SOX6: variants seen among roughly 807,000 people sequenced by gnomAD.
The protein encoded by SOX6 is transcription factor SOX-6.
A neutral mutation model predicts 97.8 loss-of-function variants in SOX6; 11 were observed. The observed-to-expected ratio is 0.11, with a 90% CI of 0.07 to 0.19. SOX6 has a LOEUF of 0.19. SOX6 is among the 10% of genes least tolerant of loss of function. The pLI, the probability that SOX6 is intolerant of heterozygous loss-of-function variation, is 1.00. For missense variants in SOX6, 810 were observed against 1,039.5 expected (o/e 0.78, Z 3.04); for synonymous variants, 360 against 371.4 (o/e 0.97, Z 0.35).
intron 4 of SOX6, among the ~76,000 whole-genome samples, chr11:16,208,918 C>T (rs1462234752): frequency 6.6e-6 from 1 of 152,128 alleles, no homozygotes; most frequent in Non-Finnish European, 1.5e-5. Context: ...CATCATTCTA[C>T]TTGTAAATTT....
At chr11:16,325,464 C>T (rs1856058411) in intron 2 of SOX6, among the ~76,000 whole-genome samples, 1 of 151,916 alleles carries the variant, frequency 6.6e-6, no homozygotes, top group South Asian at 2.1e-4. Context: ...AAACATATTA[C>T]TCATGTAGTA....
At chr11:16,092,490 A>T (rs760468966) in intron 9 of SOX6, among the ~76,000 whole-genome samples, 6 of 151,962 alleles carry the variant, frequency 3.9e-5, no homozygotes, top group Non-Finnish European at 7.4e-5. Context: ...CAATAAAGTG[A>T]TTTTTAAGGC....
rs558254857 is a variant in SOX6, at chr11:16,467,088, A to T, written c.-5+9227T>A. On this transcript the variant is annotated intron_variant, in intron 1 of 15. Coordinates refer to the SOX6 transcript ENST00000396356. The stretch of plus-strand genomic sequence containing the variant: ...GAGAAACGCAAATCAAAACAATAGG[A>T]TACCATCTTATATCAGTAAGAATGG... Among the ~76,000 whole-genome samples, 3 of 152,338 alleles carry T rather than the reference A, an allele frequency of 2.0e-5. No individual in the cohort carries two copies. In the East Asian group the frequency reaches 5.8e-4, roughly 29 times the overall value.
intron 9 of SOX6, among the ~76,000 whole-genome samples, chr11:16,057,555 T>C (rs1041413652): frequency 6.6e-6 from 1 of 152,164 alleles, no homozygotes; most frequent in Non-Finnish European, 1.5e-5. Flanking sequence ...TCTGAACTAA[T>C]TTATTCCTCA....
chr11:16,552,226 T>C (rs1225642926), intron 4 of SOX6, among the ~76,000 whole-genome samples: 12 of 152,124 alleles, frequency 7.9e-5, no homozygotes, highest in Non-Finnish European at 1.8e-4. Flanking sequence ...AGTGTTCCTT[T>C]AAAAAAACTC....
chr11:16,176,827 A>G (rs1851200471), intron 6 of SOX6, among the ~76,000 whole-genome samples: 1 of 151,962 alleles, frequency 6.6e-6, no homozygotes, highest in Non-Finnish European at 1.5e-5. Context: ...GATCTGAAAT[A>G]CTGGAAACAG....
chr11:16,028,902 T>C (rs1001253869), intron 12 of SOX6, among the ~76,000 whole-genome samples: 7 of 152,310 alleles, frequency 4.6e-5, no homozygotes, highest in Non-Finnish European at 1.0e-4. Flanking sequence ...CAATGTAATG[T>C]ATATTTTGGG....
chr11:16,435,139 A>G (rs1400056466), intron 1 of SOX6, among the ~76,000 whole-genome samples: 1 of 152,168 alleles, frequency 6.6e-6, no homozygotes, highest in Non-Finnish European at 1.5e-5. Flanking sequence ...ATAACTATTG[A>G]TTAAAAATAA....
chr11:16,214,453 T>C (rs975740499), intron 4 of SOX6, among the ~76,000 whole-genome samples: 5 of 152,204 alleles, frequency 3.3e-5, no homozygotes, highest in African/African-American at 1.2e-4. Context: ...TTTTGACACT[T>C]GTTATCTAAT....
At chr11:16,250,094 C>T (rs1853462644) in intron 3 of SOX6, among the ~76,000 whole-genome samples, 1 of 152,246 alleles carries the variant, frequency 6.6e-6, no homozygotes, top group South Asian at 2.1e-4. Flanking sequence ...TGGACTGGTA[C>T]CAGCCTTACT....
chr11:16,640,744 A>G (rs905109556), intron 3 of SOX6, among the ~76,000 whole-genome samples: 7 of 151,988 alleles, frequency 4.6e-5, no homozygotes, highest in African/African-American at 1.7e-4. Context: ...TTTCTGTGGG[A>G]TCGGTGGTGA....
intron 3 of SOX6, among the ~76,000 whole-genome samples, chr11:16,249,617 C>A (rs910868018): frequency 6.6e-6 from 1 of 152,130 alleles, no homozygotes; most frequent in Admixed American, 6.6e-5. Flanking sequence ...TGTAGCAGCA[C>A]AAAATTCTAC....
chr11:16,614,331 A>T (rs1308751303), intron 3 of SOX6, among the ~76,000 whole-genome samples: 1 of 152,090 alleles, frequency 6.6e-6, no homozygotes, highest in African/African-American at 2.4e-5. Context: ...GGACTCAGGG[A>T]CGCGGCCAGA....
chr11:16,259,298 T>C (rs548219753), intron 3 of SOX6, among the ~76,000 whole-genome samples: 2 of 152,120 alleles, frequency 1.3e-5, no homozygotes, highest in East Asian at 3.9e-4. Flanking sequence ...CCTAAATAAA[T>C]AGATGGACAT....
At chr11:16,452,858 A>G (rs1239053322) in intron 1 of SOX6, among the ~76,000 whole-genome samples, 3 of 152,198 alleles carry the variant, frequency 2.0e-5, no homozygotes, top group Admixed American at 2.0e-4. Flanking sequence ...GAATATGGCT[A>G]TATTTCAACT....
At chr11:16,086,131 A>C (rs955609104) in intron 9 of SOX6, among the ~76,000 whole-genome samples, 1 of 152,222 alleles carries the variant, frequency 6.6e-6, no homozygotes, top group South Asian at 2.1e-4. Context: ...ATATGTTTCT[A>C]TACTAGCCAC....
chr11:16,243,217 TATTA>T (rs1853243987), intron 3 of SOX6, among the ~76,000 whole-genome samples: 1 of 152,012 alleles, frequency 6.6e-6, no homozygotes. Context: ...TCTTCTCATG[TATTA>T]ATCAACTAAT....
intron 1 of SOX6, among the ~76,000 whole-genome samples, chr11:16,382,093 G>C (rs1248358436): frequency 6.6e-6 from 1 of 151,886 alleles, no homozygotes; most frequent in Non-Finnish European, 1.5e-5. Context: ...AAAAAGCAAA[G>C]TTTTTGCTTA....
At chr11:16,668,219 C>T (rs751180412) in intron 3 of SOX6, among the ~76,000 whole-genome samples, 2 of 151,926 alleles carry the variant, frequency 1.3e-5, no homozygotes, top group South Asian at 2.1e-4. Context: ...CTAAAAAATA[C>T]AAAAATTAGC....
Sources: gnomAD v4.1 joint callset for allele counts (sites outside exome capture counted in the v4.1 genomes callset) on GRCh38, gnomAD v4.1.1 for gene constraint, MANE v1.5 for transcripts, NCBI Gene and HGNC (gene_info 2026-07-23, HGNC 2026-07-21) for gene names.